TBC1D5: variants seen among roughly 807,000 people sequenced by gnomAD.
TBC1D5 encodes TBC1 domain family, member 5.
In TBC1D5, 75 loss-of-function variants were observed where a neutral mutation model predicts 100.3. That is an observed-to-expected ratio of 0.75 (90% confidence interval 0.62 to 0.91). The LOEUF (loss-of-function observed/expected upper bound fraction) is 0.91, where lower values mean the gene tolerates loss of function less well. Among genes scored for constraint, TBC1D5 ranks in the 40% least tolerant of loss-of-function variants. The pLI is 0.00. For synonymous variants in TBC1D5, 323 were observed against 325.6 expected (o/e 0.99, Z 0.09); for missense variants, 910 against 942.4 (o/e 0.97, Z 0.45).
intron 19 of TBC1D5, among the ~76,000 whole-genome samples, chr3:17,172,906 G>C (rs928691541): frequency 1.3e-5 from 2 of 152,166 alleles, no homozygotes; most frequent in East Asian, 1.9e-4. Context: ...GACAAAAGCA[G>C]AACATCTGGC....
intron 17 of TBC1D5, among the ~76,000 whole-genome samples, chr3:17,224,730 A>G (rs975138947): frequency 1.3e-5 from 2 of 152,228 alleles, no homozygotes; most frequent in Non-Finnish European, 2.9e-5. Flanking sequence ...TCTTTACTGT[A>G]TGAGAATAAT....
intron 2 of TBC1D5, among the ~76,000 whole-genome samples, chr3:17,608,718 C>T (rs1161226442): frequency 1.3e-5 from 2 of 152,216 alleles, no homozygotes; most frequent in Middle Eastern, 3.4e-3. Context: ...TACTCCTATA[C>T]CAAATTGCTT....
intron 17 of TBC1D5, among the ~76,000 whole-genome samples, chr3:17,226,293 C>T (rs917037409): frequency 4.7e-5 from 7 of 147,526 alleles, no homozygotes; most frequent in African/African-American, 7.5e-5. Context: ...ATACTGGTTC[C>T]AAAGTTCTCT....
At chr3:17,338,606 T>C (rs2151335622) in intron 13 of TBC1D5, 1 of 152,300 alleles carries the variant, frequency 6.6e-6, no homozygotes, top group South Asian at 2.1e-4. Flanking sequence ...TGGAGATGAG[T>C]ATATTTTATC....
rs545280421 is a variant in TBC1D5 at position 17,691,523 on chromosome 3, A to G, written c.-101+47820T>C. On this transcript the variant is annotated intron_variant, in intron 1 of 21. Coordinates refer to ENST00000253692, the Ensembl canonical transcript of TBC1D5. Reference sequence around the variant, plus strand: ...AAAGCACAGGCAAATGCTCCACGAAAGAAAATGACTTCAGGCCGGGCGCCG... The same window carrying G: ...AAAGCACAGGCAAATGCTCCACGAAGGAAAATGACTTCAGGCCGGGCGCCG... Among the ~76,000 whole-genome samples the G allele has an allele frequency of 9.8e-5, 15 of 152,322 alleles. No homozygotes were observed. The South Asian group carries it at 3.1e-3, about 32-fold the overall frequency.
chr3:17,485,071 T>G (rs1279738910), intron 3 of TBC1D5, among the ~76,000 whole-genome samples: 1 of 152,078 alleles, frequency 6.6e-6, no homozygotes, highest in Non-Finnish European at 1.5e-5. Context: ...TTTTGAACTA[T>G]GATACTATTA....
chr3:17,534,835 G>A (rs2153399588), intron 2 of TBC1D5, among the ~76,000 whole-genome samples: 1 of 152,220 alleles, frequency 6.6e-6, no homozygotes, highest in African/African-American at 2.4e-5. Context: ...TTAATGGTAG[G>A]GGGAGTAGTC....
chr3:17,741,380 C>T (rs1009957489), upstream of TBC1D5, among the ~76,000 whole-genome samples: 1 of 152,162 alleles, frequency 6.6e-6, no homozygotes, highest in Non-Finnish European at 1.5e-5. Flanking sequence ...AAGAGAAAAA[C>T]CAATATATAA....
intron 13 of TBC1D5, among the ~76,000 whole-genome samples, chr3:17,335,770 C>G (rs2087659324): frequency 6.6e-6 from 1 of 152,054 alleles, no homozygotes; most frequent in Non-Finnish European, 1.5e-5. Flanking sequence ...CTTGAGAATT[C>G]AAGTGATGAA....
At chr3:17,617,568 A>G (rs1454829225) in intron 2 of TBC1D5, among the ~76,000 whole-genome samples, 2 of 152,150 alleles carry the variant, frequency 1.3e-5, no homozygotes, top group Non-Finnish European at 2.9e-5. Context: ...ACACAGTCCC[A>G]TATTTCTTGT....
intron 1 of TBC1D5, among the ~76,000 whole-genome samples, chr3:17,664,497 A>T (rs916289996): frequency 1.3e-5 from 2 of 152,246 alleles, no homozygotes; most frequent in African/African-American, 4.8e-5. Context: ...GATAAAGTTA[A>T]ATTTTACAAA....
intron 19 of TBC1D5, among the ~76,000 whole-genome samples, chr3:17,171,558 T>C (rs1240809469): frequency 6.6e-6 from 1 of 152,174 alleles, no homozygotes; most frequent in East Asian, 1.9e-4. Context: ...CCTTGGCTTG[T>C]AGATGCATCG....
chr3:17,415,003 T>C (rs1202816937), intron 4 of TBC1D5, among the ~76,000 whole-genome samples: 1 of 151,914 alleles, frequency 6.6e-6, no homozygotes, highest in Non-Finnish European at 1.5e-5. Context: ...TGCCTAGAGG[T>C]TTGTTAAAAT....
chr3:17,425,298 A>C (rs2094310213), intron 4 of TBC1D5, among the ~76,000 whole-genome samples: 1 of 152,240 alleles, frequency 6.6e-6, no homozygotes, highest in Non-Finnish European at 1.5e-5. Flanking sequence ...ATTTGGAATC[A>C]GGATCTGAAC....
At chr3:17,642,948 G>C (rs2064668702) in intron 1 of TBC1D5, among the ~76,000 whole-genome samples, 1 of 152,024 alleles carries the variant, frequency 6.6e-6, no homozygotes, top group Non-Finnish European at 1.5e-5. Flanking sequence ...ACCATACATA[G>C]CTATATTACA....
At chr3:17,238,522 T>G (rs2076057889) in intron 16 of TBC1D5, 103 bp from the exon 17 acceptor site, 1 of 1,327,560 alleles carries the variant, frequency 7.5e-7, no homozygotes, top group Non-Finnish European at 1.0e-6. Context: ...TTGAAAAAGG[T>G]CATTTACTAG....
intron 2 of TBC1D5, among the ~76,000 whole-genome samples, chr3:17,535,784 T>A (rs2153403385): frequency 6.6e-6 from 1 of 152,286 alleles, no homozygotes; most frequent in African/African-American, 2.4e-5. Flanking sequence ...CTCTCACTAT[T>A]ACTTCATTTT....
intron 2 of TBC1D5, among the ~76,000 whole-genome samples, chr3:17,566,225 C>G (rs917202893): frequency 3.3e-5 from 5 of 152,020 alleles, no homozygotes; most frequent in African/African-American, 1.2e-4. Context: ...TAACAGTCTG[C>G]TGTGAACATG....
chr3:17,329,100 C>T (rs1160563448), intron 13 of TBC1D5, among the ~76,000 whole-genome samples: 2 of 152,194 alleles, frequency 1.3e-5, no homozygotes, highest in African/African-American at 4.8e-5. Context: ...CACTGAAAGG[C>T]ATCTCTCCTG....
Sources: gnomAD v4.1 joint callset for allele counts (sites outside exome capture counted in the v4.1 genomes callset) on GRCh38, gnomAD v4.1.1 for gene constraint, MANE v1.5 for transcripts, NCBI Gene and HGNC (gene_info 2026-07-23, HGNC 2026-07-21) for gene names.